Variants in KANSL1 observed in about 807,000 individuals in gnomAD.
The protein encoded by KANSL1 is MLL1/MLL complex subunit KANSL1.
A neutral mutation model predicts 103.6 loss-of-function variants in KANSL1; 22 were observed. That is an observed-to-expected ratio of 0.21 (90% CI 0.15 to 0.30). The LOEUF (loss-of-function observed/expected upper bound fraction) is 0.30, where lower values mean the gene tolerates loss of function less well. Among genes scored for constraint, KANSL1 ranks in the 10% least tolerant of loss-of-function variants. KANSL1 has a pLI of 1.00. For missense variants in KANSL1, 1,337 were observed against 1,399.8 expected (o/e 0.96, Z 0.72); for synonymous variants, 600 against 527.6 (o/e 1.14, Z -1.88).
chr17:46,118,470 C>T (rs1246008361), intron 2 of KANSL1, among the ~76,000 whole-genome samples: 2 of 152,210 alleles, frequency 1.3e-5, no homozygotes, highest in Admixed American at 6.5e-5. Flanking sequence ...GGAAGCCCTA[C>T]ACTAGAGATC....
Position 46,153,471 on chromosome 17 carries a change from C to T in KANSL1, c.1289+17384G>A, listed in dbSNP as rs566342266. Among the ~76,000 whole-genome samples the T allele has an allele frequency of 9.7e-4, 147 of 152,252 alleles. No individual in the cohort carries two copies. In the Middle Eastern group the frequency reaches 0.027, roughly 28 times the overall value. Reference sequence around the variant, plus strand: ...AAATAAAGCCACAGAAACATATTCCCAAAATGTGGGCTGGAAATGAAAACA... The same window carrying T: ...AAATAAAGCCACAGAAACATATTCCTAAAATGTGGGCTGGAAATGAAAACA... On this transcript the variant is annotated intron_variant, in intron 2 of 14. Transcript: ENST00000432791.
intron 2 of KANSL1, among the ~76,000 whole-genome samples, chr17:46,133,082 G>A (rs1162368171): frequency 6.6e-6 from 1 of 152,170 alleles, no homozygotes; most frequent in Non-Finnish European, 1.5e-5. Context: ...TTAACATCAG[G>A]TCCTCACAAC....
chr17:46,115,153 G>C (rs529803037), intron 2 of KANSL1, among the ~76,000 whole-genome samples: 2 of 152,290 alleles, frequency 1.3e-5, no homozygotes, highest in Admixed American at 1.3e-4. Context: ...TCCACCTCCT[G>C]AGTTCAAGCG....
intron 2 of KANSL1, among the ~76,000 whole-genome samples, chr17:46,106,644 C>T (rs1049992176): frequency 6.6e-6 from 1 of 152,168 alleles, no homozygotes; most frequent in Non-Finnish European, 1.5e-5. Flanking sequence ...CTACCCACCT[C>T]GGTCTCCCAA....
chr17:46,075,465 T>G (rs961561038), intron 4 of KANSL1, among the ~76,000 whole-genome samples: 1 of 152,020 alleles, frequency 6.6e-6, no homozygotes, highest in Admixed American at 6.6e-5. Context: ...GCCTCCCGAG[T>G]AGCTGGGATT....
In KANSL1 at chr17:46,172,229, C is replaced by A; in HGVS notation, c.-86G>T. On this transcript the variant is annotated 5_prime_UTR_variant, in exon 2 of 15. Coordinates refer to ENST00000432791, the MANE Select transcript of KANSL1 (RefSeq NM_015443.4). ...GGCCCCTTACTGCCTCCCCAGAGAACAGACTAGAAGAGAAAGGAGAAAAGA... is the reference window on the plus strand; with the variant it reads ...GGCCCCTTACTGCCTCCCCAGAGAAAAGACTAGAAGAGAAAGGAGAAAAGA... 1 of 1,267,900 alleles carries A rather than the reference C, an allele frequency of 7.9e-7. No homozygotes were observed. Among genetic ancestry groups the A allele is most frequent in the Non-Finnish European group, 1.1e-6 (1 of 927,138 alleles). 78.5% of individuals were successfully genotyped at this position (1,267,900 alleles called of 1,614,324 possible).
At chr17:46,140,900 G>A (rs2044387111) in intron 2 of KANSL1, among the ~76,000 whole-genome samples, 1 of 152,164 alleles carries the variant, frequency 6.6e-6, no homozygotes, top group African/African-American at 2.4e-5. Flanking sequence ...TGGAGAGAAT[G>A]GAACCCACAA....
intron 1 of KANSL1, among the ~76,000 whole-genome samples, chr17:46,210,764 TG>T (rs1444717939): frequency 6.6e-6 from 1 of 152,258 alleles, no homozygotes; most frequent in Admixed American, 6.5e-5. Context: ...AACGGAGTGA[TG>T]GAAAGGGTTT....
At chr17:46,061,712 C>G (rs1197074494) in intron 6 of KANSL1, among the ~76,000 whole-genome samples, 1 of 152,156 alleles carries the variant, frequency 6.6e-6, no homozygotes, top group Admixed American at 6.5e-5. Flanking sequence ...GTTGTAGAGG[C>G]CTTAGACTAT....
intron 1 of KANSL1, among the ~76,000 whole-genome samples, chr17:46,190,101 C>A (rs1489709436): frequency 1.3e-5 from 2 of 152,120 alleles, no homozygotes; most frequent in Non-Finnish European, 2.9e-5. Context: ...CTTTAAAATG[C>A]AATTAAAACC....
At chr17:46,152,394 A>C (rs553563878) in intron 2 of KANSL1, among the ~76,000 whole-genome samples, 1 of 152,380 alleles carries the variant, frequency 6.6e-6, no homozygotes, top group African/African-American at 2.4e-5. Context: ...AACTATCAAG[A>C]AAACAACAGA....
At chr17:46,125,149 C>T (rs111646284) in intron 2 of KANSL1, among the ~76,000 whole-genome samples, 58 of 149,326 alleles carry the variant, frequency 3.9e-4, no homozygotes, top group African/African-American at 1.4e-3. Flanking sequence ...CTTCCCTAAC[C>T]TTCAGCAGCC....
chr17:46,135,561 T>TTG (rs1165041626), intron 2 of KANSL1, among the ~76,000 whole-genome samples: 610 of 126,030 alleles, frequency 4.8e-3, no homozygotes, highest in Non-Finnish European at 7.6e-3. Context: ...TTTTTTTTTT[T>TTG]GAGACAGAGT....
At chr17:46,172,859 A>C (rs1046072792) in intron 1 of KANSL1, among the ~76,000 whole-genome samples, 1 of 152,216 alleles carries the variant, frequency 6.6e-6, no homozygotes, top group Non-Finnish European at 1.5e-5. Flanking sequence ...TCTTCCTCTC[A>C]GCCTAGGAAT....
At chr17:46,220,480 T>C (rs551294605) in intron 1 of KANSL1, among the ~76,000 whole-genome samples, 1 of 152,268 alleles carries the variant, frequency 6.6e-6, no homozygotes, top group African/African-American at 2.4e-5. Flanking sequence ...CCTCCCAAAG[T>C]GCTGGGATTA....
At position 46,032,108 on chromosome 17, in the gene KANSL1, G is replaced by T; in HGVS notation, c.3029C>A (p.Pro1010Gln). Residue 1010 changes from proline (P) to glutamine (Q), a missense_variant, in exon 14 of 15, where the codon CCG becomes CAG. Around this residue, in one of 2 missense-constraint regions of KANSL1, gnomAD observed 780 missense variants for 923.4 expected, o/e 0.84. Coordinates refer to ENST00000432791, the MANE Select transcript of KANSL1 (RefSeq NM_015443.4). ...APLTPVARDT[P>Q]RHLASEDTRC... The stretch of plus-strand genomic sequence containing the variant: ...GGTATCCTCACTGGCTAAGTGTCGC[G>T]GAGTGTCCCGAGCCACAGGGGTGAG... 6.2e-7 allele frequency: 1 copy of T among 1,613,772 alleles called. No individual in the cohort carries two copies. The highest frequency in any genetic ancestry group is 1.1e-5 in the South Asian group (1 of 91,070).
chr17:46,138,578 T>A (rs961658963), intron 2 of KANSL1, among the ~76,000 whole-genome samples: 1 of 152,260 alleles, frequency 6.6e-6, no homozygotes, highest in Non-Finnish European at 1.5e-5. Flanking sequence ...GATAACTGTA[T>A]AATGCAAAGA....
At chr17:46,128,198 G>A (rs1262588512) in intron 2 of KANSL1, among the ~76,000 whole-genome samples, 1 of 152,118 alleles carries the variant, frequency 6.6e-6, no homozygotes, top group Non-Finnish European at 1.5e-5. Context: ...CTAGTAAATA[G>A]ACTCAAAGCC....
At chr17:46,132,329 A>G (rs1037112460) in intron 2 of KANSL1, among the ~76,000 whole-genome samples, 7 of 152,264 alleles carry the variant, frequency 4.6e-5, no homozygotes, top group African/African-American at 1.7e-4. Flanking sequence ...GATAGTGTAT[A>G]TAATGCGCTT....
Sources: allele counts gnomAD v4.1 joint callset (sites outside exome capture counted in the v4.1 genomes callset), GRCh38; gene constraint gnomAD v4.1.1; regional missense constraint gnomAD v4.1.1; transcripts MANE v1.5; gene names NCBI Gene and HGNC (gene_info 2026-07-23, HGNC 2026-07-21).